ELOVL3: variants seen among roughly 807,000 people sequenced by gnomAD.
ELOVL3 encodes ELOVL fatty acid elongase 3.
ELOVL3 carries 11 observed loss-of-function variants against 14.9 expected under a neutral mutation model. That is an observed-to-expected ratio of 0.74 (90% CI 0.46 to 1.22). The LOEUF (loss-of-function observed/expected upper bound fraction) is 1.22, where lower values mean the gene tolerates loss of function less well. Ranked by LOEUF, ELOVL3 falls within the 50% of genes most tolerant of loss-of-function variation. ELOVL3 has a pLI of 0.00. For missense variants in ELOVL3, 277 were observed against 338.9 expected (o/e 0.82, Z 1.43); for synonymous variants, 117 against 124.7 (o/e 0.94, Z 0.41).
chr10:102,228,473 G>C lies in ELOVL3; in HGVS notation c.290G>C (p.Gly97Ala). Reference protein sequence around the residue: ...GIMGTVLLTGGLKQTVCFINF... With the variant: ...GIMGTVLLTGALKQTVCFINF... ...ATGGGGACTGTGCTACTTACCGGGG[G>C]CCTAAAGCAAACCGTGTGCTTCATC... is the stretch of plus-strand genomic sequence containing the variant. The change falls in exon 3 of 4, where the codon GGC becomes GCC. Residue 97 changes from glycine to alanine, a missense_variant. Transcript: ENST00000370005. 6.2e-7 allele frequency: 1 copy of C among 1,614,110 alleles called. No individual in the cohort carries two copies. The highest frequency in any genetic ancestry group is 8.5e-7 in the Non-Finnish European group (1 of 1,179,988).
upstream of ELOVL3, among the ~76,000 whole-genome samples, chr10:102,225,566 G>A (rs1020387751): frequency 6.6e-6 from 1 of 152,098 alleles, no homozygotes; most frequent in Admixed American, 6.6e-5. Context: ...TTACACAGGC[G>A]AGAAAGAAGT....
In ELOVL3 at chr10:102,227,641, C is replaced by T; in HGVS notation, c.117C>T (p.Pro39=). Residue 39 remains proline, a synonymous_variant, in exon 2 of 4, where the codon CCC becomes CCT. Coordinates refer to ENST00000370005, the MANE Select transcript of ELOVL3 (RefSeq NM_152310.3). Reference sequence around the variant, plus strand: ...TGCTTGCCAGGGCAACCTCATTCCCCATAGCCCTGATCTACCTGGTTCTCA... The same window carrying T: ...TGCTTGCCAGGGCAACCTCATTCCCTATAGCCCTGATCTACCTGGTTCTCA... The part of the protein sequence containing the change: ...FFEEYWATSF[P]IALIYLVLIA... 6.2e-7 allele frequency: 1 copy of T among 1,613,428 alleles called. No homozygotes were observed. Among genetic ancestry groups the T allele is most frequent in the Non-Finnish European group, 8.5e-7 (1 of 1,179,726 alleles).
In ELOVL3 at chr10:102,229,477, G is replaced by T. The variant is rs1233489844; in HGVS notation, c.*225G>T. 2.1e-5 allele frequency: 11 copies of T among 523,234 alleles called. No individual in the cohort carries two copies. The highest frequency in any genetic ancestry group is 1.8e-4 in the South Asian group (7 of 39,390). The allele number at this position is 523,234 out of a possible 1,614,324, so 32.4% of individuals were successfully genotyped here. On this transcript the variant is annotated 3_prime_UTR_variant, in exon 4 of 4. Transcript: ENST00000370005. ...TGTTTTTAATGTGAAGGCCAAGCAG[G>T]CCCTGGGATGGGAGTGGGGCGGAGG... is the stretch of plus-strand genomic sequence containing the variant.
chr10:102,225,687 C>T (rs544657504), upstream of ELOVL3, among the ~76,000 whole-genome samples: 5 of 152,250 alleles, frequency 3.3e-5, no homozygotes, highest in Non-Finnish European at 7.3e-5. Context: ...TTCCAGAAGC[C>T]CAGAGGGTGA....
At chr10:102,228,797 A>G (rs2070164075) in intron 3 of ELOVL3, 28 bp from the exon 4 acceptor site, 5 of 1,585,652 alleles carry the variant, frequency 3.2e-6, no homozygotes, top group East Asian at 2.2e-5. Context: ...ACTGGGTGGT[A>G]TGCCAACTAT....
At chr10:102,227,578 T>G (rs780903547) in intron 1 of ELOVL3, 48 bp from the exon 2 acceptor site, 3 of 1,577,638 alleles carry the variant, frequency 1.9e-6, no homozygotes, top group Middle Eastern at 1.9e-4. Context: ...GGCATTTCTC[T>G]AATCAGCACC....
At position 102,227,730 on chromosome 10, in the gene ELOVL3, T is replaced by C; in HGVS notation, c.206T>C (p.Leu69Pro). 1.3e-5 allele frequency: 21 copies of C among 1,613,864 alleles called. No homozygotes were observed. Among genetic ancestry groups the C allele is most frequent in the Non-Finnish European group, 1.8e-5 (21 of 1,179,906 alleles). ...TTCAACCTGCAAGGGCCTCTCATCC[T>C]CTGGTCCTTCTGCCTTGCAATCTTC... ...KGFNLQGPLILWSFCLAIFSI... is the reference protein window; with the variant it reads ...KGFNLQGPLIPWSFCLAIFSI... Residue 69 changes from leucine (L) to proline (P), a missense_variant, in exon 2 of 4, where the codon CTC becomes CCC. Coordinates refer to ENST00000370005, the MANE Select transcript of ELOVL3 (RefSeq NM_152310.3).
At chr10:102,228,271 G>A (rs1434268754) in intron 2 of ELOVL3, 146 bp from the exon 3 acceptor site, 1 of 721,762 alleles carries the variant, frequency 1.4e-6, no homozygotes, top group South Asian at 1.9e-5. Context: ...ATTGGCTTCA[G>A]GATCTCAGGA....
Position 102,228,821 on chromosome 10 carries a change from C to G in ELOVL3, c.386-4C>G, listed in dbSNP as rs373092158. 6.2e-7 allele frequency: 1 copy of G among 1,603,776 alleles called. No individual in the cohort carries two copies. The highest frequency in any genetic ancestry group is 1.7e-5 in the Admixed American group (1 of 59,614). On this transcript the variant is annotated splice_region_variant and splice_polypyrimidine_tract_variant and intron_variant, in intron 3 of 3. Transcript: ENST00000370005. ...TATGCCAACTATGACTCTCCATCTCCCAGGAGACACAGCCTTCATCATCCT... is the reference window on the plus strand; with the variant it reads ...TATGCCAACTATGACTCTCCATCTCGCAGGAGACACAGCCTTCATCATCCT...
rs574971595 is a variant in ELOVL3 at position 102,226,320 on chromosome 10, C to G, written c.-229C>G. 2 of 504,924 alleles carry G rather than the reference C, an allele frequency of 4.0e-6. No individual in the cohort carries two copies. Among genetic ancestry groups the G allele is most frequent in the Non-Finnish European group, 7.1e-6 (2 of 282,706 alleles). The allele number at this position is 504,924 out of a possible 1,614,324, so 31.3% of individuals were successfully genotyped here. On this transcript the variant is annotated 5_prime_UTR_variant, in exon 1 of 4. Coordinates refer to ENST00000370005, the MANE Select transcript of ELOVL3 (RefSeq NM_152310.3). ...GGGCGCAGGAAAGAGGTCGCGCCAGCCCGGGCAGGCAGCTTTGCAAGTCCG... is the reference window on the plus strand; with the variant it reads ...GGGCGCAGGAAAGAGGTCGCGCCAGGCCGGGCAGGCAGCTTTGCAAGTCCG...
upstream of ELOVL3, chr10:102,226,252 G>T (rs750583177): frequency 1.3e-5 from 4 of 317,154 alleles, no homozygotes; most frequent in Non-Finnish European, 2.4e-5. Context: ...TGCGTCCCAG[G>T]GGCGGAGCAG....
chr10:102,229,159 C>T lies in ELOVL3; in HGVS notation c.720C>T (p.Phe240=), dbSNP rs1395796771. The T allele has an allele frequency of 6.2e-6, 10 of 1,613,946 alleles. No individual in the cohort carries two copies. The highest frequency in any genetic ancestry group is 8.5e-6 in the Non-Finnish European group (10 of 1,180,036). ...HTTMEHLFWS[F]ILYMTYFILF... The stretch of plus-strand genomic sequence containing the variant: ...CGATGGAACACTTATTCTGGTCCTT[C>T]ATCTTGTATATGACCTATTTCATCC... The change falls in exon 4 of 4, where the codon TTC becomes TTT. Residue 240 remains phenylalanine (F), a synonymous_variant. Coordinates refer to ENST00000370005, the MANE Select transcript of ELOVL3 (RefSeq NM_152310.3).
chr10:102,228,038 G>A (rs1404438315), intron 2 of ELOVL3, among the ~76,000 whole-genome samples: 1 of 151,982 alleles, frequency 6.6e-6, no homozygotes, highest in Non-Finnish European at 1.5e-5. Flanking sequence ...GCCTCTAATA[G>A]TGTCACCTCC....
chr10:102,229,135 G>A lies in ELOVL3; in HGVS notation c.696G>A (p.Thr232=), dbSNP rs774044109. 1.7e-5 allele frequency: 28 copies of A among 1,613,988 alleles called. No individual in the cohort carries two copies. Among genetic ancestry groups the A allele is most frequent in the Middle Eastern group, 1.6e-4 (1 of 6,084 alleles). Reference sequence around the variant, plus strand: ...GGCAGGATCAGGGATGCCACACCACGATGGAACACTTATTCTGGTCCTTCA... The same window carrying A: ...GGCAGGATCAGGGATGCCACACCACAATGGAACACTTATTCTGGTCCTTCA... The part of the protein sequence containing the change: ...IWRQDQGCHT[T]MEHLFWSFIL... Residue 232 remains threonine (T), a synonymous_variant, in exon 4 of 4, where the codon ACG becomes ACA. Transcript: ENST00000370005.
At position 102,228,426 on chromosome 10, in the gene ELOVL3, G is replaced by A. The variant is rs1421206635; in HGVS notation, c.243G>A (p.Gly81=). The A allele has an allele frequency of 6.2e-7, 1 of 1,613,862 alleles. No homozygotes were observed. The highest frequency in any genetic ancestry group is 1.3e-5 in the African/African-American group (1 of 74,898). Residue 81 remains glycine (G), a synonymous_variant, in exon 3 of 4, where the codon GGG becomes GGA. Transcript: ENST00000370005. ...CTTTGTCCCATTTCAGTATCCTGGGGGCAGTGAGGATGTGGGGCATTATGG... is the reference window on the plus strand; with the variant it reads ...CTTTGTCCCATTTCAGTATCCTGGGAGCAGTGAGGATGTGGGGCATTATGG... ...SFCLAIFSIL[G]AVRMWGIMGT...
chr10:102,228,553 AAG>A lies in ELOVL3; in HGVS notation c.371_372del (p.Lys124SerfsTer14). Reference sequence around the variant, plus strand: ...CTGGTCCTGGGTCTTTCTTCTCAGCAAGGTCATAGAACTCGGTGAGTGGCAAA... The same window carrying A: ...CTGGTCCTGGGTCTTTCTTCTCAGCAGTCATAGAACTCGGTGAGTGGCAAA... ...KFWSWVFLLSKVIELGDTAFI... is the reference protein window; with the variant it reads ...KFWSWVFLLSXVIELGDTAFI... On this transcript the variant is annotated frameshift_variant, in exon 3 of 4. Coordinates refer to ENST00000370005, the MANE Select transcript of ELOVL3 (RefSeq NM_152310.3). LOFTEE classifies it low-confidence loss of function (END_TRUNC). 6.2e-7 allele frequency: 1 copy of A among 1,614,116 alleles called. No homozygotes were observed. Among genetic ancestry groups the A allele is most frequent in the Non-Finnish European group, 8.5e-7 (1 of 1,179,998 alleles).
rs962587867 is a variant in ELOVL3, at chr10:102,226,301, A to G, written c.-248A>G. On this transcript the variant is annotated 5_prime_UTR_variant, in exon 1 of 4. Transcript: ENST00000370005. The stretch of plus-strand genomic sequence containing the variant: ...TCGAGATTGGATAGCGGCGGGGCGC[A>G]GGAAAGAGGTCGCGCCAGCCCGGGC... 6.4e-6 allele frequency: 3 copies of G among 466,082 alleles called. No individual in the cohort carries two copies. The highest frequency in any genetic ancestry group is 1.2e-5 in the Non-Finnish European group (3 of 258,562). 28.9% of individuals were successfully genotyped at this position (466,082 alleles called of 1,614,324 possible).
chr10:102,227,449 C>T (rs187800984), intron 1 of ELOVL3, among the ~76,000 whole-genome samples, 177 bp from the exon 2 acceptor site: 4 of 152,222 alleles, frequency 2.6e-5, no homozygotes, highest in Admixed American at 1.3e-4. Flanking sequence ...GTAGTATTCG[C>T]GCTCTACAAA....
intron 2 of ELOVL3, 33 bp downstream of exon 2, chr10:102,227,790 TA>T (rs2070150915): frequency 1.2e-6 from 2 of 1,609,892 alleles, no homozygotes; most frequent in Non-Finnish European, 1.7e-6. Context: ...GCCTCTTCTC[TA>T]GATCTTAGAC....
Sources: gnomAD v4.1 joint callset for allele counts (sites outside exome capture counted in the v4.1 genomes callset) on GRCh38, gnomAD v4.1.1 for gene constraint, MANE v1.5 for transcripts, NCBI Gene and HGNC (gene_info 2026-07-23, HGNC 2026-07-21) for gene names.